Variants in FAM171A1 observed in about 807,000 individuals in gnomAD.
FAM171A1 encodes the protein protein FAM171A1.
In FAM171A1, 23 loss-of-function variants were observed where a neutral mutation model predicts 74.9. The ratio of observed to expected loss-of-function variants is 0.31; its 90% CI spans 0.22 to 0.44. The LOEUF (loss-of-function observed/expected upper bound fraction) is 0.44, where lower values mean the gene tolerates loss of function less well. Among genes scored for constraint, FAM171A1 ranks in the 20% least tolerant of loss-of-function variants. The probability of loss-of-function intolerance (pLI) is 1.00; values close to 1 mark genes in which losing one functional copy is unlikely to be tolerated. For missense variants in FAM171A1, 1,162 were observed against 1,159.2 expected, an observed-to-expected ratio of 1.00 and a Z score of -0.03; for synonymous variants, 527 against 505.7, an observed-to-expected ratio of 1.04 and a Z score of -0.57.
intron 3 of FAM171A1, among the ~76,000 whole-genome samples, chr10:15,272,625 TGACC>T (rs1834841362): frequency 6.6e-6 from 1 of 152,162 alleles, no homozygotes; most frequent in Non-Finnish European, 1.5e-5. Flanking sequence ...ATTCCAAAAT[TGACC>T]ACATAGTTGG....
intron 1 of FAM171A1, among the ~76,000 whole-genome samples, chr10:15,311,685 A>T (rs888779424): frequency 2.6e-5 from 4 of 151,146 alleles, no homozygotes; most frequent in Non-Finnish European, 4.4e-5. Context: ...CCTGGGAGGC[A>T]TAGAGTAGGA....
At chr10:15,370,275 G>C (rs993685580) in intron 1 of FAM171A1, among the ~76,000 whole-genome samples, 1 of 147,594 alleles carries the variant, frequency 6.8e-6, no homozygotes, top group East Asian at 2.0e-4. Flanking sequence ...AGCGATGAGG[G>C]CCTCCCAGTT....
chr10:15,374,100 G>C (rs1307451095), upstream of FAM171A1, among the ~76,000 whole-genome samples: 1 of 152,154 alleles, frequency 6.6e-6, no homozygotes, highest in Non-Finnish European at 1.5e-5. Context: ...GAGACGCTCA[G>C]GTCTGATGGA....
At chr10:15,364,550 T>C (rs1836036064) in intron 1 of FAM171A1, among the ~76,000 whole-genome samples, 2 of 152,220 alleles carry the variant, frequency 1.3e-5, no homozygotes, top group South Asian at 2.1e-4. Flanking sequence ...TCTTAGGGGT[T>C]AGGGTCTGTG....
At chr10:15,307,326 T>C (rs989680344) in intron 1 of FAM171A1, among the ~76,000 whole-genome samples, 4 of 152,042 alleles carry the variant, frequency 2.6e-5, no homozygotes, top group South Asian at 2.1e-4. Flanking sequence ...CAGGATCAAA[T>C]AGTGAAGATT....
At chr10:15,282,528 T>C (rs1834983025) in intron 2 of FAM171A1, among the ~76,000 whole-genome samples, 2 of 152,202 alleles carry the variant, frequency 1.3e-5, no homozygotes. Flanking sequence ...AGTGGTTCAG[T>C]ATTTGCTCAG....
intron 1 of FAM171A1, among the ~76,000 whole-genome samples, chr10:15,345,081 T>C (rs1835803858): frequency 6.6e-6 from 1 of 152,220 alleles, no homozygotes; most frequent in South Asian, 2.1e-4. Flanking sequence ...ATTTGATCTG[T>C]TTAATCTTGT....
chr10:15,335,417 ATGC>A (rs1239599321), intron 1 of FAM171A1, among the ~76,000 whole-genome samples: 1 of 152,204 alleles, frequency 6.6e-6, no homozygotes, highest in Non-Finnish European at 1.5e-5. Context: ...ACATGAACAA[ATGC>A]TGCTTTCAAA....
At chr10:15,315,978 GT>G (rs1339816112) in intron 1 of FAM171A1, among the ~76,000 whole-genome samples, 3 of 152,070 alleles carry the variant, frequency 2.0e-5, no homozygotes, top group African/African-American at 7.3e-5. Flanking sequence ...TTTCCCCCAG[GT>G]GTGTTTTTTT....
chr10:15,222,958 C>T (rs1394335410), intron 5 of FAM171A1, among the ~76,000 whole-genome samples: 1 of 152,244 alleles, frequency 6.6e-6, no homozygotes, highest in Non-Finnish European at 1.5e-5. Context: ...CGGTTCTGGT[C>T]CATTTCCTGA....
intron 5 of FAM171A1, among the ~76,000 whole-genome samples, chr10:15,245,568 T>C (rs115766573): frequency 0.034 from 5,133 of 152,308 alleles, 116 homozygotes; most frequent in African/African-American, 0.057. Flanking sequence ...ATAACAACAG[T>C]GGGTACTATT....
At chr10:15,357,653 T>G (rs960536592) in intron 1 of FAM171A1, among the ~76,000 whole-genome samples, 1 of 152,148 alleles carries the variant, frequency 6.6e-6, no homozygotes, top group Non-Finnish European at 1.5e-5. Flanking sequence ...CACTAATTAA[T>G]GAGATACATG....
intron 6 of FAM171A1, 83 bp downstream of exon 6, chr10:15,220,861 T>C: frequency 1.0e-6 from 1 of 982,792 alleles, no homozygotes; most frequent in Non-Finnish European, 1.5e-6. Flanking sequence ...CTGCTGAAGT[T>C]ATTTTCAAGA....
chr10:15,260,328 T>C (rs1030230710), intron 3 of FAM171A1, among the ~76,000 whole-genome samples: 10 of 152,244 alleles, frequency 6.6e-5, no homozygotes, highest in Non-Finnish European at 1.2e-4. Flanking sequence ...TTTGTTCATC[T>C]GCCTAATCAA....
intron 1 of FAM171A1, among the ~76,000 whole-genome samples, chr10:15,306,891 A>T (rs937470803): frequency 2.0e-5 from 3 of 152,178 alleles, no homozygotes; most frequent in African/African-American, 7.2e-5. Context: ...ATCCATCATG[A>T]CTAACACTCC....
At chr10:15,315,696 G>T (rs1348543638) in intron 1 of FAM171A1, among the ~76,000 whole-genome samples, 1 of 152,118 alleles carries the variant, frequency 6.6e-6, no homozygotes, top group East Asian at 1.9e-4. Context: ...ATGCTAGAAA[G>T]CCATCGCCTT....
intron 2 of FAM171A1, among the ~76,000 whole-genome samples, chr10:15,280,211 GA>G (rs1834949922): frequency 6.6e-6 from 1 of 152,226 alleles, no homozygotes; most frequent in Admixed American, 6.5e-5. Context: ...ATGAGATATG[GA>G]AGGGAGAGGT....
At chr10:15,229,726 T>C (rs573974114) in intron 5 of FAM171A1, among the ~76,000 whole-genome samples, 22 of 53,302 alleles carry the variant, frequency 4.1e-4, no homozygotes, top group African/African-American at 1.3e-3. Flanking sequence ...ACCATCACCA[T>C]CATCACCATC....
chr10:15,225,473 C>G (rs191853153), intron 5 of FAM171A1, among the ~76,000 whole-genome samples: 1 of 152,146 alleles, frequency 6.6e-6, no homozygotes, highest in Non-Finnish European at 1.5e-5. Context: ...TCATGCTTTC[C>G]GTGTTTTGTG....
Sources: gnomAD v4.1 joint callset for allele counts (sites outside exome capture counted in the v4.1 genomes callset) on GRCh38, gnomAD v4.1.1 for gene constraint, MANE v1.5 for transcripts, NCBI Gene and HGNC (gene_info 2026-07-23, HGNC 2026-07-21) for gene names.